Variants in RGS7 observed in about 807,000 individuals in gnomAD.
RGS7 encodes the protein regulator of G protein signaling 7, also known as regulator of G-protein signaling 7.
A neutral mutation model predicts 81.1 loss-of-function variants in RGS7; 27 were observed. That is an observed-to-expected ratio of 0.33 (90% CI 0.25 to 0.46). The LOEUF is 0.46. Ranked by LOEUF, RGS7 falls within the 20% of genes least tolerant of loss-of-function variation. The pLI is 1.00. For missense variants in RGS7, 396 were observed against 607.4 expected (o/e 0.65, Z 3.66); for synonymous variants, 208 against 207.7 (o/e 1.00, Z -0.01).
chr1:241,154,208 T>C (rs1262006680), intron 2 of RGS7, among the ~76,000 whole-genome samples: 1 of 152,134 alleles, frequency 6.6e-6, no homozygotes. Flanking sequence ...GGAGACAGGA[T>C]AGTGGAGGCT....
chr1:241,092,227 G>C (rs542039571), intron 3 of RGS7, among the ~76,000 whole-genome samples: 1 of 152,232 alleles, frequency 6.6e-6, no homozygotes, highest in East Asian at 1.9e-4. Context: ...CTGTAGCCAA[G>C]GTAAATGGTA....
intron 2 of RGS7, among the ~76,000 whole-genome samples, chr1:241,166,056 T>A (rs2070204797): frequency 6.6e-6 from 1 of 152,164 alleles, no homozygotes; most frequent in Admixed American, 6.5e-5. Flanking sequence ...TGCAAGCTCA[T>A]GTCTGAGAAG....
chr1:241,168,336 ATAT>A (rs955653270), intron 2 of RGS7, among the ~76,000 whole-genome samples: 4 of 152,210 alleles, frequency 2.6e-5, no homozygotes, highest in African/African-American at 9.6e-5. Context: ...GAAAAATAAA[ATAT>A]TATCTATATC....
chr1:241,230,858 T>C (rs2075619946), intron 2 of RGS7, among the ~76,000 whole-genome samples: 1 of 152,218 alleles, frequency 6.6e-6, no homozygotes, highest in Admixed American at 6.5e-5. Context: ...GGACCCCTCA[T>C]GGTGCTCTAA....
chr1:240,929,746 A>C lies in RGS7; in HGVS notation c.385+971T>G, dbSNP rs1007933978. ...ACGCTTGCCCTGCCTTCTCATCTGA[A>C]AAATCTTTCCTCTTAAGATCCAGCT... On this transcript the variant is annotated intron_variant, in intron 6 of 18. Coordinates refer to ENST00000440928, the MANE Select transcript of RGS7 (RefSeq NM_001364886.1). Among the ~76,000 whole-genome samples the C allele has an allele frequency of 2.6e-5, 4 of 152,298 alleles. No individual in the cohort carries two copies. The East Asian group carries it at 7.7e-4, about 29-fold the overall frequency.
intron 2 of RGS7, among the ~76,000 whole-genome samples, chr1:241,345,080 T>G (rs972419725): frequency 2.0e-5 from 3 of 152,212 alleles, no homozygotes; most frequent in Non-Finnish European, 4.4e-5. Flanking sequence ...TCATGTCTTT[T>G]GTGGGAACAT....
chr1:241,107,960 A>G (rs1380241531), intron 2 of RGS7, among the ~76,000 whole-genome samples: 2 of 152,134 alleles, frequency 1.3e-5, no homozygotes, highest in African/African-American at 4.8e-5. Flanking sequence ...TAAGAAAAGC[A>G]GTCTCAAAAA....
chr1:240,822,325 G>A (rs771707559), intron 10 of RGS7, among the ~76,000 whole-genome samples: 1 of 152,146 alleles, frequency 6.6e-6, no homozygotes, highest in African/African-American at 2.4e-5. Flanking sequence ...TTATTTTACT[G>A]TATTAAAAAA....
intron 3 of RGS7, among the ~76,000 whole-genome samples, chr1:241,078,769 A>C (rs1355084274): frequency 6.6e-6 from 1 of 152,132 alleles, no homozygotes; most frequent in Non-Finnish European, 1.5e-5. Flanking sequence ...ATGAGCACTT[A>C]ATAAATGCTA....
chr1:241,209,400 G>T (rs1372048813), intron 2 of RGS7, among the ~76,000 whole-genome samples: 1 of 152,092 alleles, frequency 6.6e-6, no homozygotes, highest in African/African-American at 2.4e-5. Flanking sequence ...AGAATGGATG[G>T]GGAGAATGTA....
chr1:241,291,735 C>A (rs376932187), intron 2 of RGS7, among the ~76,000 whole-genome samples: 1 of 151,856 alleles, frequency 6.6e-6, no homozygotes, highest in Middle Eastern at 3.2e-3. Context: ...CCTGCCACCA[C>A]GCCCGGCTTT....
Position 240,953,163 on chromosome 1 carries a change from A to G in RGS7, c.227-16457T>C, listed in dbSNP as rs557138851. On this transcript the variant is annotated intron_variant, in intron 4 of 18. Coordinates refer to ENST00000440928, the MANE Select transcript of RGS7 (RefSeq NM_001364886.1). Reference sequence around the variant, plus strand: ...ACTTTTTCATTAATTGACAGACCAAATAAGCAGCAGAAAATCAAGCAGTCA... The same window carrying G: ...ACTTTTTCATTAATTGACAGACCAAGTAAGCAGCAGAAAATCAAGCAGTCA... Among the ~76,000 whole-genome samples the G allele has an allele frequency of 4.6e-5, 7 of 152,026 alleles. No homozygotes were observed. The South Asian group carries it at 1.0e-3, about 22-fold the overall frequency.
intron 2 of RGS7, among the ~76,000 whole-genome samples, chr1:241,131,704 T>G (rs533343131): frequency 6.6e-6 from 1 of 152,188 alleles, no homozygotes; most frequent in Non-Finnish European, 1.5e-5. Context: ...CCTCTTTCCT[T>G]TTTACTATTC....
Position 241,098,221 on chromosome 1 carries a change from A to G in RGS7, c.175+445T>C, listed in dbSNP as rs992387966. On this transcript the variant is annotated intron_variant, in intron 3 of 18. Coordinates refer to ENST00000440928, the MANE Select transcript of RGS7 (RefSeq NM_001364886.1). ...AGTTTGGTCACTGTCGAGTTCGGTGAGCACAGTTGGTGGTGACAGCGGTCT... is the reference window on the plus strand; with the variant it reads ...AGTTTGGTCACTGTCGAGTTCGGTGGGCACAGTTGGTGGTGACAGCGGTCT... Among the ~76,000 whole-genome samples, 9 of 152,296 alleles carry G rather than the reference A, an allele frequency of 5.9e-5. No individual in the cohort carries two copies. In the South Asian group the frequency reaches 1.5e-3, roughly 25 times the overall value.
At chr1:241,141,267 A>G (rs1405573671) in intron 2 of RGS7, among the ~76,000 whole-genome samples, 1 of 152,194 alleles carries the variant, frequency 6.6e-6, no homozygotes, top group Non-Finnish European at 1.5e-5. Flanking sequence ...GGGCCAGCCC[A>G]GGAGAAAACA....
intron 2 of RGS7, among the ~76,000 whole-genome samples, chr1:241,294,298 G>T (rs10926455): frequency 0.16 from 24,741 of 151,108 alleles, 2,249 homozygotes; most frequent in African/African-American, 0.23. Context: ...CGGGGGTGGG[G>T]GGCAAGAACA....
chr1:241,031,773 TC>T (rs1359469402), intron 3 of RGS7, among the ~76,000 whole-genome samples: 1 of 152,238 alleles, frequency 6.6e-6, no homozygotes, highest in Non-Finnish European at 1.5e-5. Context: ...TTTTATGTCT[TC>T]TTTTGAAAAA....
At chr1:241,032,626 ATTTG>A (rs2060135128) in intron 3 of RGS7, among the ~76,000 whole-genome samples, 1 of 152,064 alleles carries the variant, frequency 6.6e-6, no homozygotes, top group African/African-American at 2.4e-5. Context: ...ATAGTTTTTC[ATTTG>A]TTTGTGTCAT....
At chr1:240,909,606 C>G (rs1288021006) in intron 6 of RGS7, among the ~76,000 whole-genome samples, 1 of 152,176 alleles carries the variant, frequency 6.6e-6, no homozygotes, top group Non-Finnish European at 1.5e-5. Flanking sequence ...GCAAGGCTGG[C>G]TTACAGAGCA....
Sources: allele counts gnomAD v4.1 joint callset (sites outside exome capture counted in the v4.1 genomes callset), GRCh38; gene constraint gnomAD v4.1.1; transcripts MANE v1.5; gene names NCBI Gene and HGNC (gene_info 2026-07-23, HGNC 2026-07-21).